The following GNB1 variants were observed in gnomAD, a reference collection of about 807,000 sequenced individuals.
GNB1 encodes the protein G protein subunit beta 1.
A neutral mutation model predicts 42.9 loss-of-function variants in GNB1; 2 were observed. The ratio of observed to expected loss-of-function variants is 0.05; its 90% CI spans 0.02 to 0.15. The LOEUF (loss-of-function observed/expected upper bound fraction) is 0.15. GNB1 is among the 10% of genes least tolerant of loss of function. The probability of loss-of-function intolerance (pLI) is 1.00; values close to 1 mark genes in which losing one functional copy is unlikely to be tolerated. For missense variants in GNB1, 193 were observed against 462.2 expected (o/e 0.42, Z 5.34); for synonymous variants, 183 against 174.7 (o/e 1.05, Z -0.38).
intron 3 of GNB1, among the ~76,000 whole-genome samples, chr1:1,818,862 CA>C (rs914806128): frequency 1.3e-5 from 2 of 149,866 alleles, no homozygotes; most frequent in Non-Finnish European, 3.0e-5. Context: ...GACTCCATCT[CA>C]AAAAAAACAA....
chr1:1,884,454 C>T (rs747730384), intron 1 of GNB1, among the ~76,000 whole-genome samples: 2 of 152,096 alleles, frequency 1.3e-5, no homozygotes, highest in Admixed American at 6.5e-5. Flanking sequence ...TCAGGTGATC[C>T]GCTCACCTTG....
At chr1:1,828,097 G>C (rs1160885504) in intron 2 of GNB1, among the ~76,000 whole-genome samples, 1 of 152,158 alleles carries the variant, frequency 6.6e-6, no homozygotes, top group South Asian at 2.1e-4. Flanking sequence ...GCGGACAACG[G>C]ATCACCTGAG....
At chr1:1,800,110 T>C (rs1221845525) in intron 7 of GNB1, among the ~76,000 whole-genome samples, 1 of 152,070 alleles carries the variant, frequency 6.6e-6, no homozygotes, top group Non-Finnish European at 1.5e-5. Flanking sequence ...GACACAACAT[T>C]TACAATGTCC....
intron 5 of GNB1, among the ~76,000 whole-genome samples, chr1:1,813,156 CTTTTT>C (rs554717267): frequency 6.9e-6 from 1 of 145,560 alleles, no homozygotes; most frequent in Non-Finnish European, 1.5e-5. Context: ...AACATTTTTT[CTTTTT>C]TTTTTTTGAG....
intron 1 of GNB1, among the ~76,000 whole-genome samples, chr1:1,877,776 T>C (rs1257330918): frequency 6.6e-6 from 1 of 152,102 alleles, no homozygotes; most frequent in Non-Finnish European, 1.5e-5. Context: ...AGACTGCCTG[T>C]TGGGGAGTTT....
At chr1:1,808,713 A>C (rs367660899) in intron 5 of GNB1, among the ~76,000 whole-genome samples, 4 of 151,814 alleles carry the variant, frequency 2.6e-5, no homozygotes, top group Non-Finnish European at 2.9e-5. Flanking sequence ...GTGTGATCTC[A>C]GCTCACTGCA....
At chr1:1,888,111 GATGAGATAACT>G (rs1650255697) in intron 1 of GNB1, among the ~76,000 whole-genome samples, 1 of 152,188 alleles carries the variant, frequency 6.6e-6, no homozygotes, top group Admixed American at 6.5e-5. Flanking sequence ...GTACTTGTCT[GATGAGATAACT>G]ATGGTTCTGT....
chr1:1,801,806 T>C (rs1370008223), intron 7 of GNB1, among the ~76,000 whole-genome samples: 1 of 152,102 alleles, frequency 6.6e-6, no homozygotes, highest in Non-Finnish European at 1.5e-5. Context: ...TGCAAAAGCA[T>C]ATTCCAAAGG....
intron 2 of GNB1, among the ~76,000 whole-genome samples, chr1:1,838,632 G>T (rs1647183259): frequency 1.3e-5 from 2 of 151,400 alleles, no homozygotes; most frequent in Non-Finnish European, 2.9e-5. Context: ...TTTTAGTAGA[G>T]ACAGGGTTTC....
Position 1,789,184 on chromosome 1 carries a change from A to G in GNB1, c.785T>C (p.Met262Thr), listed in dbSNP as rs1273323299. 1 of 1,613,894 alleles carries G rather than the reference A, an allele frequency of 6.2e-7. No individual in the cohort carries two copies. The highest frequency in any genetic ancestry group is 8.5e-7 in the Non-Finnish European group (1 of 1,179,744). Residue 262 changes from methionine to threonine, a missense_variant, in exon 10 of 12, where the codon ATG becomes ACG. Met to Thr is a moderately conservative substitution (Grantham distance 81). Coordinates refer to ENST00000378609, the MANE Select transcript of GNB1 (RefSeq NM_002074.5). ...LFDLRADQELMTYSHDNIICG... is the reference protein window; with the variant it reads ...LFDLRADQELTTYSHDNIICG... ...GATGATGTTGTCATGGGAGTAAGTCATGAGCTCCTGGTCAGCACGAAGGTC... is the reference window on the plus strand; with the variant it reads ...GATGATGTTGTCATGGGAGTAAGTCGTGAGCTCCTGGTCAGCACGAAGGTC...
At chr1:1,847,397 T>C (rs1354959494) in intron 1 of GNB1, among the ~76,000 whole-genome samples, 4 of 152,186 alleles carry the variant, frequency 2.6e-5, no homozygotes, top group Non-Finnish European at 5.9e-5. Context: ...TCTTTAGATA[T>C]TGGACAAGGC....
intron 1 of GNB1, among the ~76,000 whole-genome samples, chr1:1,870,191 G>T (rs1364973539): frequency 1.3e-5 from 2 of 152,002 alleles, no homozygotes; most frequent in Non-Finnish European, 2.9e-5. Flanking sequence ...TGTTTGTGGG[G>T]TTTTGTTTTT....
chr1:1,845,527 C>T (rs1183246318), intron 1 of GNB1, among the ~76,000 whole-genome samples: 2 of 151,940 alleles, frequency 1.3e-5, no homozygotes, highest in Non-Finnish European at 2.9e-5. Flanking sequence ...GAGCCGAGAT[C>T]GTGCCACTGC....
intron 1 of GNB1, among the ~76,000 whole-genome samples, chr1:1,877,841 T>C (rs981720176): frequency 6.6e-6 from 1 of 152,052 alleles, no homozygotes; most frequent in Non-Finnish European, 1.5e-5. Context: ...TAACTGGGTG[T>C]TGAGTTACAT....
chr1:1,882,297 A>G (rs544434969), intron 1 of GNB1, among the ~76,000 whole-genome samples: 81 of 152,208 alleles, frequency 5.3e-4, no homozygotes, highest in African/African-American at 1.8e-3. Flanking sequence ...GCGTGGCGGC[A>G]TGCACCTGTA....
chr1:1,808,161 C>T (rs1378608468), intron 5 of GNB1, among the ~76,000 whole-genome samples: 8 of 152,062 alleles, frequency 5.3e-5, no homozygotes, highest in African/African-American at 1.7e-4. Context: ...CGCGCCACCA[C>T]AGCCAGCTAA....
At chr1:1,859,158 A>T (rs933250159) in intron 1 of GNB1, among the ~76,000 whole-genome samples, 1 of 151,892 alleles carries the variant, frequency 6.6e-6, no homozygotes, top group Non-Finnish European at 1.5e-5. Flanking sequence ...AGTAGCCAGG[A>T]TTAGAGGCAT....
At chr1:1,833,950 G>A (rs1253770910) in intron 2 of GNB1, among the ~76,000 whole-genome samples, 3 of 152,150 alleles carry the variant, frequency 2.0e-5, no homozygotes, top group African/African-American at 4.8e-5. Context: ...CAGAGGCAAC[G>A]GTACTACACA....
chr1:1,883,083 G>T (rs916684808), intron 1 of GNB1, among the ~76,000 whole-genome samples: 2 of 151,506 alleles, frequency 1.3e-5, no homozygotes, highest in East Asian at 1.9e-4. Flanking sequence ...TTGAACCCAG[G>T]AGTTGGAGAC....
Sources: allele counts gnomAD v4.1 joint callset (sites outside exome capture counted in the v4.1 genomes callset), GRCh38; gene constraint gnomAD v4.1.1; transcripts MANE v1.5; gene names NCBI Gene and HGNC (gene_info 2026-07-23, HGNC 2026-07-21).